OXCT1: variants seen among roughly 807,000 people sequenced by gnomAD.
The protein encoded by OXCT1 is 3-oxoacid CoA-transferase 1, also known as succinyl-CoA:3-ketoacid coenzyme A transferase 1, mitochondrial.
In OXCT1, 27 loss-of-function variants were observed where a neutral mutation model predicts 69.6. That is an observed-to-expected ratio of 0.39 (90% confidence interval 0.29 to 0.54). The LOEUF is 0.54. Ranked by LOEUF, OXCT1 falls within the 20% of genes least tolerant of loss-of-function variation. OXCT1 has a pLI of 0.72. For synonymous variants in OXCT1, 202 were observed against 217.8 expected, an observed-to-expected ratio of 0.93 and a Z score of 0.64; for missense variants, 437 against 650.2, an observed-to-expected ratio of 0.67 and a Z score of 3.57.
At chr5:41,867,483 C>A (rs1750045904) in intron 1 of OXCT1, among the ~76,000 whole-genome samples, 1 of 152,168 alleles carries the variant, frequency 6.6e-6, no homozygotes, top group East Asian at 1.9e-4. Context: ...AGGGACAGCA[C>A]TGAGGAACAT....
At chr5:41,865,710 T>C (rs956747420) in intron 1 of OXCT1, among the ~76,000 whole-genome samples, 1 of 152,158 alleles carries the variant, frequency 6.6e-6, no homozygotes, top group African/African-American at 2.4e-5. Flanking sequence ...ACTTAACCAC[T>C]GCATCTCTTT....
intron 7 of OXCT1, among the ~76,000 whole-genome samples, chr5:41,830,951 T>C (rs576665574): frequency 1.3e-5 from 2 of 152,278 alleles, no homozygotes; most frequent in South Asian, 4.1e-4. Context: ...AAATTAAATG[T>C]TCATAGGATC....
chr5:41,857,488 G>A (rs532684741), intron 3 of OXCT1, among the ~76,000 whole-genome samples: 128 of 152,276 alleles, frequency 8.4e-4, no homozygotes, highest in African/African-American at 2.8e-3. Context: ...CTTGCCCTCT[G>A]GCTTCTGATT....
intron 13 of OXCT1, among the ~76,000 whole-genome samples, chr5:41,771,833 A>G (rs1256277160): frequency 6.6e-6 from 1 of 152,212 alleles, no homozygotes; most frequent in Non-Finnish European, 1.5e-5. Flanking sequence ...TCTTCCTTCC[A>G]CTGAATCGCT....
In OXCT1 at chr5:41,803,069, C is replaced by G; in HGVS notation, c.1050G>C (p.Leu350Phe). The change falls in exon 10 of 17, where the codon TTG becomes TTC. Residue 350 changes from leucine to phenylalanine, a missense_variant and splice_region_variant. By Grantham distance (22) the Leu-to-Phe change is conservative. Coordinates refer to ENST00000196371, the MANE Select transcript of OXCT1 (RefSeq NM_000436.4). ...TTTAGAAAACAAATTTTCATCTTAC[C>G]AAACCCAGAACTCCATTTTCACTTT... ...HLQSENGVLG[L>F]GPYPRQHEAD... 1.2e-6 allele frequency: 2 copies of G among 1,602,380 alleles called. No homozygotes were observed. Among genetic ancestry groups the G allele is most frequent in the Non-Finnish European group, 1.7e-6 (2 of 1,169,898 alleles).
At chr5:41,868,461 G>T (rs1750106847) in intron 1 of OXCT1, among the ~76,000 whole-genome samples, 1 of 152,146 alleles carries the variant, frequency 6.6e-6, no homozygotes, top group Non-Finnish European at 1.5e-5. Flanking sequence ...TAAACAATAA[G>T]GGCTGTAATC....
chr5:41,868,011 T>A (rs1441191128), intron 1 of OXCT1, among the ~76,000 whole-genome samples: 2 of 152,194 alleles, frequency 1.3e-5, no homozygotes, highest in African/African-American at 4.8e-5. Flanking sequence ...CTGGAACTTA[T>A]CAATGCAAAG....
At chr5:41,827,909 C>T (rs1310010018) in intron 7 of OXCT1, among the ~76,000 whole-genome samples, 1 of 152,128 alleles carries the variant, frequency 6.6e-6, no homozygotes, top group South Asian at 2.1e-4. Flanking sequence ...GCTGATGATA[C>T]AGATGAAAAA....
intron 5 of OXCT1, among the ~76,000 whole-genome samples, chr5:41,845,287 G>A (rs778766316): frequency 3.3e-5 from 5 of 152,106 alleles, no homozygotes; most frequent in Non-Finnish European, 7.4e-5. Context: ...TCTACCAAGT[G>A]TCACCTCCCC....
intron 5 of OXCT1, among the ~76,000 whole-genome samples, chr5:41,847,026 C>A (rs949257430): frequency 4.0e-5 from 6 of 151,836 alleles, no homozygotes; most frequent in African/African-American, 1.5e-4. Flanking sequence ...AACTGATAGA[C>A]CGCTAGCAAG....
chr5:41,738,069 T>C (rs1347563894), intron 16 of OXCT1, among the ~76,000 whole-genome samples: 2 of 152,082 alleles, frequency 1.3e-5, no homozygotes, highest in Non-Finnish European at 2.9e-5. Context: ...AAAAAATGTG[T>C]TATGCACTGA....
At chr5:41,746,170 G>A (rs971871677) in intron 15 of OXCT1, among the ~76,000 whole-genome samples, 5 of 152,080 alleles carry the variant, frequency 3.3e-5, no homozygotes, top group East Asian at 1.9e-4. Flanking sequence ...CTGGCAAACC[G>A]AATCCAGCAG....
At position 41,861,376 on chromosome 5, in the gene OXCT1, A is replaced by G; in HGVS notation, c.216T>C (p.Asn72=). ...GGFGLCGIPE[N]LIDALLKTGV... ...CAGTTTTCAGTAAAGCATCTATAAG[A>G]TTCTCTGGAATTCCACATAGCCCAA... Residue 72 remains asparagine (N), a synonymous_variant, in exon 3 of 17, where the codon AAT becomes AAC. Transcript: ENST00000196371. The G allele has an allele frequency of 6.2e-7, 1 of 1,612,184 alleles. No individual in the cohort carries two copies. The highest frequency in any genetic ancestry group is 8.5e-7 in the Non-Finnish European group (1 of 1,178,488).
rs551404165 is a variant in OXCT1, at chr5:41,740,948, G to A, written c.1420-1457C>T. Among the ~76,000 whole-genome samples the A allele has an allele frequency of 1.2e-4, 17 of 139,624 alleles. No homozygotes were observed. In the South Asian group the frequency reaches 3.1e-3, roughly 26 times the overall value. The allele number at this position is 139,624 out of a possible 152,430, so 91.6% of individuals were successfully genotyped here. On this transcript the variant is annotated intron_variant, in intron 15 of 16. Coordinates refer to ENST00000196371, the MANE Select transcript of OXCT1 (RefSeq NM_000436.4). ...AATTCAACTATTATTTGCAGGCCTAGAATCTTTTTTTTTTTTTTTTGAGAC... is the reference window on the plus strand; with the variant it reads ...AATTCAACTATTATTTGCAGGCCTAAAATCTTTTTTTTTTTTTTTTGAGAC...
chr5:41,738,106 C>T (rs1375584692), intron 16 of OXCT1, among the ~76,000 whole-genome samples: 2 of 152,050 alleles, frequency 1.3e-5, no homozygotes, highest in East Asian at 1.9e-4. Flanking sequence ...ATGTAGTACA[C>T]AAGAAAGACA....
chr5:41,844,626 C>T (rs559798034), intron 5 of OXCT1, among the ~76,000 whole-genome samples: 156 of 151,964 alleles, frequency 1.0e-3, no homozygotes, highest in Non-Finnish European at 1.8e-3. Context: ...TGGCTCTAGA[C>T]TCTCCCCTGA....
chr5:41,828,013 G>A (rs1747891618), intron 7 of OXCT1, among the ~76,000 whole-genome samples: 1 of 152,330 alleles, frequency 6.6e-6, no homozygotes, highest in African/African-American at 2.4e-5. Context: ...CCAGCCAGCA[G>A]GAGCTACAGC....
At chr5:41,805,464 C>A (rs1746629271) in intron 9 of OXCT1, 103 bp downstream of exon 9, 2 of 784,098 alleles carry the variant, frequency 2.6e-6, no homozygotes, top group Non-Finnish European at 2.2e-6. Flanking sequence ...TAAAAGTTAC[C>A]ATAGACTAGA....
chr5:41,764,707 A>G (rs1744513186), intron 13 of OXCT1, among the ~76,000 whole-genome samples: 1 of 152,024 alleles, frequency 6.6e-6, no homozygotes, highest in Non-Finnish European at 1.5e-5. Flanking sequence ...TCTCCATTAT[A>G]AATATTTGGA....
Sources: gnomAD v4.1 joint callset for allele counts (sites outside exome capture counted in the v4.1 genomes callset) on GRCh38, gnomAD v4.1.1 for gene constraint, MANE v1.5 for transcripts, NCBI Gene and HGNC (gene_info 2026-07-23, HGNC 2026-07-21) for gene names.